The following NUDC variants were observed in gnomAD, a reference collection of about 807,000 sequenced individuals.
The protein encoded by NUDC is nuclear migration protein nudC.
A neutral mutation model predicts 45.0 loss-of-function variants in NUDC; 14 were observed. The observed-to-expected ratio is 0.31, with a 90% CI of 0.21 to 0.49. NUDC has a LOEUF of 0.49. Ranked by LOEUF, NUDC falls within the 20% of genes least tolerant of loss-of-function variation. NUDC has a pLI of 0.99. For synonymous variants in NUDC, 153 were observed against 156.7 expected (o/e 0.98, Z 0.17); for missense variants, 323 against 426.2 (o/e 0.76, Z 2.13).
In NUDC at chr1:26,924,316, C is replaced by G. The variant is rs2082114606; in HGVS notation, c.159+150C>G. On this transcript the variant is annotated intron_variant, in intron 2 of 8. Coordinates refer to ENST00000321265, the MANE Select transcript of NUDC (RefSeq NM_006600.4). The stretch of plus-strand genomic sequence containing the variant: ...GAAGGGAAGGAAGCTGTCATTTCTT[C>G]AAGCTCCACTCCTTGCTCAGCCCTC... The G allele has an allele frequency of 4.2e-6, 3 of 719,000 alleles. No homozygotes were observed. The South Asian group carries it at 4.5e-5, about 11-fold the overall frequency. The allele number at this position is 719,000 out of a possible 1,614,324, so 44.5% of individuals were successfully genotyped here. A position where few individuals can be genotyped will look rare whatever the true frequency, so the allele number is the denominator to read the frequency against.
chr1:26,915,373 T>G (rs1413078754), intron 3 of NUDC, among the ~76,000 whole-genome samples: 1 of 152,126 alleles, frequency 6.6e-6, no homozygotes, highest in African/African-American at 2.4e-5. Flanking sequence ...GTTGCCCACT[T>G]GTGATCTGGG....
In NUDC at chr1:26,941,398, C is replaced by T. The variant is rs536139811; in HGVS notation, c.160-59C>T. The T allele has an allele frequency of 5.8e-5, 91 of 1,574,984 alleles. No homozygotes were observed. The South Asian group carries it at 9.3e-4, about 16-fold the overall frequency. On this transcript the variant is annotated intron_variant, in intron 2 of 8. Transcript: ENST00000321265. ...AGCAGGTAGAGAGTGGGGCTGGACTCCAGGCTGTGGGACACTGTCCCCTGC... is the reference window on the plus strand; with the variant it reads ...AGCAGGTAGAGAGTGGGGCTGGACTTCAGGCTGTGGGACACTGTCCCCTGC...
chr1:26,946,464 A>C lies in NUDC; in HGVS notation c.*283A>C, dbSNP rs1286471389. On this transcript the variant is annotated 3_prime_UTR_variant, in exon 9 of 9. Coordinates refer to ENST00000321265, the MANE Select transcript of NUDC (RefSeq NM_006600.4). Reference sequence around the variant, plus strand: ...AGGCCTCTTACGGCTGCTGCTGGGAACTGGGAGTTTGGCTTCTAGCCCAGA... The same window carrying C: ...AGGCCTCTTACGGCTGCTGCTGGGACCTGGGAGTTTGGCTTCTAGCCCAGA... 1 of 476,192 alleles carries C rather than the reference A, an allele frequency of 2.1e-6. No individual in the cohort carries two copies. Among genetic ancestry groups the C allele is most frequent in the Non-Finnish European group, 3.9e-6 (1 of 259,556 alleles). The allele number at this position is 476,192 out of a possible 1,614,324, so 29.5% of individuals were successfully genotyped here.
chr1:26,921,798 G>T lies in NUDC; in HGVS notation c.-51G>T. ...CCGGCGCGACCCGCAGGAGCGTAGA[G>T]AGCGCGGGACTAGAGTGCAGAGCTC... On this transcript the variant is annotated 5_prime_UTR_variant, in exon 1 of 9. Transcript: ENST00000321265. 1 of 1,529,912 alleles carries T rather than the reference G, an allele frequency of 6.5e-7. No individual in the cohort carries two copies. The highest frequency in any genetic ancestry group is 1.2e-5 in the South Asian group (1 of 83,604). 94.8% of individuals were successfully genotyped at this position (1,529,912 alleles called of 1,614,324 possible). A position where few individuals can be genotyped will look rare whatever the true frequency, so the allele number is the denominator to read the frequency against.
At chr1:26,909,480 A>G (rs2082016473) in intron 2 of NUDC, among the ~76,000 whole-genome samples, 1 of 152,158 alleles carries the variant, frequency 6.6e-6, no homozygotes, top group African/African-American at 2.4e-5. Context: ...AAGTTGAGGG[A>G]AAAAGCCTAG....
chr1:26,906,811 T>C (rs1318388889), intron 2 of NUDC, among the ~76,000 whole-genome samples: 1 of 151,866 alleles, frequency 6.6e-6, no homozygotes, highest in Non-Finnish European at 1.5e-5. Context: ...ATTGCACCAC[T>C]GCACTCCAGC....
intron 2 of NUDC, among the ~76,000 whole-genome samples, chr1:26,925,425 G>A (rs1375655414): frequency 1.3e-5 from 2 of 149,578 alleles, no homozygotes; most frequent in African/African-American, 4.9e-5. Context: ...CTGTAGTCCC[G>A]GCTACTCTGG....
intron 3 of NUDC, chr1:26,911,379 C>T (rs1438026983): frequency 9.2e-5 from 32 of 347,146 alleles, no homozygotes; most frequent in Non-Finnish European, 1.7e-5. Context: ...AAAATTAGCT[C>T]CAGCAACCCT....
At chr1:26,918,146 T>A (rs1395506998), upstream of NUDC, among the ~76,000 whole-genome samples, 1 of 152,002 alleles carries the variant, frequency 6.6e-6, no homozygotes, top group Non-Finnish European at 1.5e-5. Flanking sequence ...CACCGAGGAA[T>A]CTGGTGTCCA....
At chr1:26,942,245 C>T (rs1309698010) in intron 4 of NUDC, among the ~76,000 whole-genome samples, 5 of 152,100 alleles carry the variant, frequency 3.3e-5, no homozygotes, top group African/African-American at 1.2e-4. Context: ...GAGCCGAGAT[C>T]ACGCCACTGC....
Position 26,946,115 on chromosome 1 carries a change from CTTCCGTTTCT to C in NUDC, c.945-14_945-5del, listed in dbSNP as rs2082316043. On this transcript the variant is annotated splice_region_variant and splice_polypyrimidine_tract_variant and intron_variant, in intron 8 of 8. Coordinates refer to ENST00000321265, the MANE Select transcript of NUDC (RefSeq NM_006600.4). ...GAGAAGGATGAGCTGTTTCATCTTG[CTTCCGTTTCT>C]CCAGGTTCATGGATCAACATCCGGA... 1 of 1,603,930 alleles carries C rather than the reference CTTCCGTTTCT, an allele frequency of 6.2e-7. No individual in the cohort carries two copies. Among genetic ancestry groups the C allele is most frequent in the Non-Finnish European group, 8.5e-7 (1 of 1,172,716 alleles).
chr1:26,900,464 C>T (rs2081972582), intron 1 of NUDC: 1 of 1,590,910 alleles, frequency 6.3e-7, no homozygotes, highest in Non-Finnish European at 8.6e-7. Context: ...ACATGATCAG[C>T]TAGAACCAAG....
intron 2 of NUDC, among the ~76,000 whole-genome samples, chr1:26,930,424 C>T (rs2082171198): frequency 6.6e-6 from 1 of 152,228 alleles, no homozygotes; most frequent in South Asian, 2.1e-4. Context: ...GACCTACCCG[C>T]CTTTGCGGCC....
chr1:26,937,198 T>A (rs1417969542), intron 2 of NUDC, among the ~76,000 whole-genome samples: 6 of 152,210 alleles, frequency 3.9e-5, no homozygotes, highest in Admixed American at 3.9e-4. Context: ...CCGTACCCTC[T>A]CTGGGTGTGC....
intron 2 of NUDC, among the ~76,000 whole-genome samples, chr1:26,905,512 C>T (rs1434164487): frequency 3.3e-5 from 5 of 152,206 alleles, no homozygotes; most frequent in African/African-American, 1.2e-4. Context: ...GGACAAGGGA[C>T]ATCTGGCTAG....
chr1:26,923,463 C>T (rs1028244868), intron 1 of NUDC, among the ~76,000 whole-genome samples: 1 of 152,116 alleles, frequency 6.6e-6, no homozygotes. Flanking sequence ...TGCTTTGACC[C>T]GGTAACTTAG....
chr1:26,928,928 C>T (rs2082156079), intron 2 of NUDC, among the ~76,000 whole-genome samples: 2 of 152,044 alleles, frequency 1.3e-5, no homozygotes, highest in African/African-American at 2.4e-5. Context: ...GGGTATATAC[C>T]CAAAATAATC....
rs1262603078 is a variant in NUDC at position 26,921,778 on chromosome 1, G to C, written c.-71G>C. On this transcript the variant is annotated 5_prime_UTR_variant, in exon 1 of 9. Coordinates refer to ENST00000321265, the MANE Select transcript of NUDC (RefSeq NM_006600.4). The stretch of plus-strand genomic sequence containing the variant: ...GACGACTAGAGTCGTTGGGCCCGGC[G>C]CGACCCGCAGGAGCGTAGAGAGCGC... The C allele has an allele frequency of 6.0e-6, 9 of 1,493,618 alleles. No homozygotes were observed. The highest frequency in any genetic ancestry group is 8.2e-6 in the Non-Finnish European group (9 of 1,098,170). 92.5% of individuals were successfully genotyped at this position (1,493,618 alleles called of 1,614,324 possible).
In NUDC at chr1:26,916,608, C is replaced by A. The variant is rs377570767; in HGVS notation, c.93+5373C>A. Among the ~76,000 whole-genome samples, 26 of 152,142 alleles carry A rather than the reference C, an allele frequency of 1.7e-4. 1 individual carries two copies. In the East Asian group the frequency reaches 2.5e-3, roughly 15 times the overall value. ...ATACTCCAAAGAGCTCTGATTTAATCTTTTAGTGGAAAATAATATTTAGAA... is the reference window on the plus strand; with the variant it reads ...ATACTCCAAAGAGCTCTGATTTAATATTTTAGTGGAAAATAATATTTAGAA... On this transcript the variant is annotated intron_variant, in intron 3 of 6. Coordinates refer to the NUDC transcript ENST00000435827.
Sources: gnomAD v4.1 joint callset for allele counts (sites outside exome capture counted in the v4.1 genomes callset) on GRCh38, gnomAD v4.1.1 for gene constraint, MANE v1.5 for transcripts, NCBI Gene and HGNC (gene_info 2026-07-23, HGNC 2026-07-21) for gene names.